Variants in PTPRG observed in about 807,000 individuals in gnomAD.
The protein encoded by PTPRG is protein tyrosine phosphatase receptor type G.
A neutral mutation model predicts 165.3 loss-of-function variants in PTPRG; 102 were observed. That is an observed-to-expected ratio of 0.62 (90% CI 0.53 to 0.73). The LOEUF (loss-of-function observed/expected upper bound fraction) is 0.73, where lower values mean the gene tolerates loss of function less well. PTPRG is among the 30% of genes least tolerant of loss of function. PTPRG has a pLI of 0.00. For synonymous variants in PTPRG, 675 were observed against 669.5 expected (o/e 1.01, Z -0.13); for missense variants, 1,866 against 1,861.4 (o/e 1.00, Z -0.05).
At chr3:62,062,548 A>C (rs376553777) in intron 4 of PTPRG, among the ~76,000 whole-genome samples, 5 of 152,230 alleles carry the variant, frequency 3.3e-5, no homozygotes, top group East Asian at 3.9e-4. Flanking sequence ...TATGTAAATG[A>C]ATTCCCTATC....
chr3:61,983,452 T>G (rs2040686110), intron 2 of PTPRG, among the ~76,000 whole-genome samples: 1 of 152,178 alleles, frequency 6.6e-6, no homozygotes, highest in Admixed American at 6.5e-5. Context: ...GAGGCATTAA[T>G]AAGCATATTT....
At chr3:61,836,439 A>G (rs2036464016) in intron 2 of PTPRG, among the ~76,000 whole-genome samples, 1 of 152,150 alleles carries the variant, frequency 6.6e-6, no homozygotes, top group Non-Finnish European at 1.5e-5. Flanking sequence ...TCAGTTCCAA[A>G]CAAGACACTA....
chr3:61,686,478 G>A (rs1254044788), intron 1 of PTPRG, among the ~76,000 whole-genome samples: 2 of 152,178 alleles, frequency 1.3e-5, no homozygotes, highest in Non-Finnish European at 2.9e-5. Flanking sequence ...CTGTGAAGGC[G>A]ACTGGGCCAT....
chr3:61,873,671 G>C (rs529782711), intron 2 of PTPRG, among the ~76,000 whole-genome samples: 1 of 152,110 alleles, frequency 6.6e-6, no homozygotes, highest in Non-Finnish European at 1.5e-5. Flanking sequence ...TGGGTAACTG[G>C]GGGGAGGGGT....
At chr3:61,975,842 G>C (rs950875067) in intron 2 of PTPRG, among the ~76,000 whole-genome samples, 1 of 152,040 alleles carries the variant, frequency 6.6e-6, no homozygotes, top group African/African-American at 2.4e-5. Flanking sequence ...CACAAATTTA[G>C]ACACAATGAA....
chr3:61,787,949 T>C (rs1279215478), intron 2 of PTPRG, among the ~76,000 whole-genome samples: 1 of 152,164 alleles, frequency 6.6e-6, no homozygotes, highest in African/African-American at 2.4e-5. Context: ...TTCTTGAAGA[T>C]GGCTCCCGCT....
At chr3:61,834,319 G>GT (rs958884801) in intron 2 of PTPRG, among the ~76,000 whole-genome samples, 12 of 152,166 alleles carry the variant, frequency 7.9e-5, no homozygotes, top group Non-Finnish European at 7.4e-5. Flanking sequence ...CCTTAAGAGT[G>GT]TTTTTTTCTC....
At chr3:61,763,030 A>G (rs180789096) in intron 2 of PTPRG, among the ~76,000 whole-genome samples, 6 of 152,084 alleles carry the variant, frequency 3.9e-5, no homozygotes, top group Admixed American at 2.6e-4. Context: ...AGCATGTAAC[A>G]TGTTCTTCAA....
intron 4 of PTPRG, among the ~76,000 whole-genome samples, chr3:62,060,337 A>ATGGCTAC (rs1351047906): frequency 3.9e-5 from 6 of 152,168 alleles, no homozygotes; most frequent in Non-Finnish European, 7.3e-5. Context: ...CTATCATTTA[A>ATGGCTAC]TGGCTACTGG....
chr3:61,886,491 A>G (rs2038041698), intron 2 of PTPRG, among the ~76,000 whole-genome samples: 1 of 152,154 alleles, frequency 6.6e-6, no homozygotes, highest in South Asian at 2.1e-4. Flanking sequence ...TCAGTAAGAT[A>G]GTGTTGAAGG....
At chr3:61,758,681 G>A (rs898816757) in intron 2 of PTPRG, among the ~76,000 whole-genome samples, 2 of 151,986 alleles carry the variant, frequency 1.3e-5, no homozygotes, top group African/African-American at 2.4e-5. Flanking sequence ...TCGAACTCCC[G>A]ACCTCAGGTG....
At chr3:61,855,502 A>G (rs1251782144) in intron 2 of PTPRG, among the ~76,000 whole-genome samples, 1 of 151,034 alleles carries the variant, frequency 6.6e-6, no homozygotes, top group African/African-American at 2.5e-5. Flanking sequence ...CTAAAATTTT[A>G]CTTTCTATAT....
At chr3:62,081,778 T>C (rs771981461) in intron 5 of PTPRG, among the ~76,000 whole-genome samples, 5 of 152,242 alleles carry the variant, frequency 3.3e-5, no homozygotes, top group Non-Finnish European at 7.3e-5. Context: ...TTTTGCTCTC[T>C]ATAAGAATGA....
chr3:61,734,634 G>A (rs956136070), intron 1 of PTPRG, among the ~76,000 whole-genome samples: 4 of 152,168 alleles, frequency 2.6e-5, no homozygotes, highest in African/African-American at 4.8e-5. Context: ...CAAAGGAAGA[G>A]TTCGTTTCAT....
rs980604068 is a variant in PTPRG, at chr3:62,056,344, G to A, written c.520-21819G>A. Reference sequence around the variant, plus strand: ...CAAGCTTGTCCAACCTGTGACCCACGGACCACATGTAGCCCATGAGGGCTT... The same window carrying A: ...CAAGCTTGTCCAACCTGTGACCCACAGACCACATGTAGCCCATGAGGGCTT... On this transcript the variant is annotated intron_variant, in intron 4 of 29. Coordinates refer to ENST00000474889, the MANE Select transcript of PTPRG (RefSeq NM_002841.4). Among the ~76,000 whole-genome samples the A allele has an allele frequency of 7.9e-5, 12 of 152,046 alleles. No individual in the cohort carries two copies. In the South Asian group the frequency reaches 1.7e-3, roughly 21 times the overall value.
At chr3:61,797,182 C>T (rs2035075315) in intron 2 of PTPRG, among the ~76,000 whole-genome samples, 1 of 152,220 alleles carries the variant, frequency 6.6e-6, no homozygotes, top group African/African-American at 2.4e-5. Flanking sequence ...ATGATGCTTA[C>T]TGTGTTCTAG....
intron 2 of PTPRG, among the ~76,000 whole-genome samples, chr3:61,911,100 C>T (rs1054519174): frequency 6.6e-6 from 1 of 152,160 alleles, no homozygotes; most frequent in South Asian, 2.1e-4. Context: ...TAGGAAAGCC[C>T]CTCTTGACCT....
In PTPRG at chr3:61,617,304, A is replaced by C. The variant is rs188866441; in HGVS notation, c.85+54932A>C. Among the ~76,000 whole-genome samples the C allele has an allele frequency of 2.2e-4, 33 of 152,306 alleles. No individual in the cohort carries two copies. The East Asian group carries it at 5.4e-3, about 25-fold the overall frequency. The stretch of plus-strand genomic sequence containing the variant: ...AACTTGTTAATAAGTGGTAGAATCT[A>C]AATGAGGTCTGTCCAGCCAGGGTGT... On this transcript the variant is annotated intron_variant, in intron 1 of 29. Transcript: ENST00000474889.
rs1700331823 is a variant in PTPRG, at chr3:62,210,410, A to T, written c.2155+6460A>T. 6.6e-6 allele frequency among the ~76,000 whole-genome samples: 1 copy of T among 152,234 alleles called. No individual in the cohort carries two copies. Among genetic ancestry groups the T allele is most frequent in the South Asian group, 2.1e-4 (1 of 4,826 alleles). The stretch of plus-strand genomic sequence containing the variant: ...ACCCGTTAGAATGGCTTCTATCAAA[A>T]ATATAGAAAATAAATGTTGGCAGAA... On this transcript the variant is annotated intron_variant, in intron 12 of 29. Transcript: ENST00000474889. The surrounding 1 kb of genome is among the most constrained non-coding windows in gnomAD (Gnocchi z 4.1).
Sources: gnomAD v4.1 joint callset for allele counts (sites outside exome capture counted in the v4.1 genomes callset) on GRCh38, gnomAD v4.1.1 for gene constraint, Gnocchi (gnomAD v3.1) non-coding constraint, MANE v1.5 for transcripts, NCBI Gene and HGNC (gene_info 2026-07-23, HGNC 2026-07-21) for gene names.